ADCY8: variants seen among roughly 807,000 people sequenced by gnomAD.
ADCY8 encodes the protein adenylate cyclase 8.
In ADCY8, 51 loss-of-function variants were observed where a neutral mutation model predicts 119.7. The observed-to-expected ratio is 0.43, with a 90% CI of 0.34 to 0.54. ADCY8 has a LOEUF of 0.54. ADCY8 is among the 20% of genes least tolerant of loss of function. The probability of loss-of-function intolerance (pLI) is 0.03; values close to 1 mark genes in which losing one functional copy is unlikely to be tolerated. For missense variants in ADCY8, 1,383 were observed against 1,598.8 expected, an observed-to-expected ratio of 0.87 and a Z score of 2.30; for synonymous variants, 665 against 651.0, an observed-to-expected ratio of 1.02 and a Z score of -0.33.
At chr8:130,900,383 G>A (rs72714435) in intron 7 of ADCY8, among the ~76,000 whole-genome samples, 89 of 152,232 alleles carry the variant, frequency 5.8e-4, no homozygotes, top group African/African-American at 2.1e-3. Flanking sequence ...GAAATGGGTA[G>A]AGGGAAGGGA....
At chr8:130,916,915 C>G (rs1442335929) in intron 5 of ADCY8, among the ~76,000 whole-genome samples, 1 of 152,148 alleles carries the variant, frequency 6.6e-6, no homozygotes, top group Admixed American at 6.5e-5. Context: ...CTCTATATTT[C>G]TGTGTGTGTG....
chr8:130,858,862 T>G (rs1817833287), intron 9 of ADCY8, among the ~76,000 whole-genome samples: 1 of 152,060 alleles, frequency 6.6e-6, no homozygotes, highest in Admixed American at 6.6e-5. Context: ...CTTTTGTTGG[T>G]TCCTGTGTCC....
At chr8:130,927,416 C>G (rs543787324) in intron 5 of ADCY8, among the ~76,000 whole-genome samples, 1 of 152,090 alleles carries the variant, frequency 6.6e-6, no homozygotes, top group African/African-American at 2.4e-5. Context: ...TATTCAGGTC[C>G]TTTGCCCATT....
intron 5 of ADCY8, among the ~76,000 whole-genome samples, chr8:130,928,563 T>C (rs1415674542): frequency 6.6e-6 from 1 of 152,236 alleles, no homozygotes; most frequent in African/African-American, 2.4e-5. Flanking sequence ...GTCATTGTGA[T>C]GTATCACAGT....
In ADCY8 at chr8:131,040,387, G is replaced by T; in HGVS notation, c.-54C>A. 7.0e-7 allele frequency: 1 copy of T among 1,437,114 alleles called. No individual in the cohort carries two copies. 89.0% of individuals were successfully genotyped at this position (1,437,114 alleles called of 1,614,324 possible). ...GAACCTTGGGGAGGCAGCCGGAGGA[G>T]GGGTTCCTAAAGACTCAAAGGCGGC... On this transcript the variant is annotated 5_prime_UTR_variant, in exon 1 of 18. Transcript: ENST00000286355.
chr8:130,965,716 GT>G (rs1374757944), intron 2 of ADCY8, among the ~76,000 whole-genome samples: 5 of 151,976 alleles, frequency 3.3e-5, no homozygotes, highest in Non-Finnish European at 4.4e-5. Context: ...ATTTACAGAA[GT>G]TTTTTTAAAA....
chr8:131,039,770 C>G lies in ADCY8; in HGVS notation c.564G>C (p.Leu188=). The G allele has an allele frequency of 6.2e-7, 1 of 1,614,188 alleles. No individual in the cohort carries two copies. The highest frequency in any genetic ancestry group is 8.5e-7 in the Non-Finnish European group (1 of 1,180,038). ...AGAGAGTGAGTTTGGTCAGCACGTC[C>G]AGCACGTTCATCACCACTTCCGATT... is the stretch of plus-strand genomic sequence containing the variant. The part of the protein sequence containing the change: ...RRKSEVVMNV[L]DVLTKLTLLV... Residue 188 remains leucine, a synonymous_variant, in exon 1 of 18, where the codon CTG becomes CTC. Transcript: ENST00000286355.
At chr8:130,881,720 T>G (rs1586525648) in intron 8 of ADCY8, among the ~76,000 whole-genome samples, 4 of 152,254 alleles carry the variant, frequency 2.6e-5, no homozygotes, top group Admixed American at 2.6e-4. Flanking sequence ...ATCTCTGAAA[T>G]CAGCATGCAC....
chr8:131,034,859 C>T (rs897340653), intron 1 of ADCY8, among the ~76,000 whole-genome samples: 2 of 152,118 alleles, frequency 1.3e-5, no homozygotes, highest in Middle Eastern at 3.2e-3. Flanking sequence ...TTTCCAGTAA[C>T]TAAATGATTT....
chr8:130,841,086 A>G lies in ADCY8; in HGVS notation c.2503-4637T>C, dbSNP rs181077955. On this transcript the variant is annotated intron_variant, in intron 11 of 17. Coordinates refer to ENST00000286355, the MANE Select transcript of ADCY8 (RefSeq NM_001115.3). ...GACCAGATTCATCTTACATTAGATG[A>G]ACTCCAGGTAAGATTGGTGGAGGGA... is the stretch of plus-strand genomic sequence containing the variant. Among the ~76,000 whole-genome samples the G allele has an allele frequency of 3.7e-3, 560 of 152,310 alleles. 2 individuals are homozygous for G. Among genetic ancestry groups the G allele is most frequent in the Admixed American group, 6.8e-3 (104 of 15,292 alleles).
chr8:130,833,474 G>A (rs2130250933), intron 12 of ADCY8, among the ~76,000 whole-genome samples: 1 of 152,226 alleles, frequency 6.6e-6, no homozygotes, highest in East Asian at 1.9e-4. Flanking sequence ...ATTCTTCAGT[G>A]GATAAATGGA....
chr8:130,855,576 C>G (rs1001695794), intron 9 of ADCY8, among the ~76,000 whole-genome samples: 2 of 152,096 alleles, frequency 1.3e-5, no homozygotes, highest in East Asian at 3.9e-4. Flanking sequence ...CTCCCCTCCC[C>G]CACCCCGTCA....
intron 2 of ADCY8, among the ~76,000 whole-genome samples, chr8:130,953,736 T>C (rs1821342595): frequency 6.6e-6 from 1 of 152,176 alleles, no homozygotes; most frequent in South Asian, 2.1e-4. Flanking sequence ...CAATAAAATA[T>C]GTGAGGGGCC....
At chr8:130,901,455 T>C (rs752102004) in intron 7 of ADCY8, among the ~76,000 whole-genome samples, 8 of 152,348 alleles carry the variant, frequency 5.3e-5, no homozygotes, top group Middle Eastern at 3.4e-3. Flanking sequence ...CCAATTTAGC[T>C]GGAATACCCC....
At chr8:130,920,751 G>T (rs557600674) in intron 5 of ADCY8, among the ~76,000 whole-genome samples, 1 of 152,312 alleles carries the variant, frequency 6.6e-6, no homozygotes, top group East Asian at 1.9e-4. Context: ...TAGGTGAGAT[G>T]AACATTTAAA....
intron 5 of ADCY8, among the ~76,000 whole-genome samples, chr8:130,920,257 T>C (rs997826256): frequency 6.6e-6 from 1 of 151,468 alleles, no homozygotes; most frequent in East Asian, 1.9e-4. Context: ...TTCCCAGAAG[T>C]GTCACTGGGT....
At chr8:130,911,132 T>G (rs1819968761) in intron 5 of ADCY8, among the ~76,000 whole-genome samples, 1 of 152,196 alleles carries the variant, frequency 6.6e-6, no homozygotes, top group Admixed American at 6.5e-5. Flanking sequence ...GCTTAATTTA[T>G]TTCTTCCAAC....
At chr8:130,815,793 T>A (rs1816319939) in intron 13 of ADCY8, among the ~76,000 whole-genome samples, 1 of 152,194 alleles carries the variant, frequency 6.6e-6, no homozygotes. Flanking sequence ...AGTTTCCTCA[T>A]CTCTGAAATT....
chr8:130,961,223 C>T (rs915683020), intron 2 of ADCY8, among the ~76,000 whole-genome samples: 4 of 152,258 alleles, frequency 2.6e-5, no homozygotes, highest in East Asian at 1.9e-4. Context: ...ATTCTCCTGC[C>T]TCAGCCTTCT....
Sources: gnomAD v4.1 joint callset for allele counts (sites outside exome capture counted in the v4.1 genomes callset) on GRCh38, gnomAD v4.1.1 for gene constraint, MANE v1.5 for transcripts, NCBI Gene and HGNC (gene_info 2026-07-23, HGNC 2026-07-21) for gene names.